The following ARID1B variants were observed in gnomAD, a reference collection of about 807,000 sequenced individuals.
ARID1B encodes the protein AT-rich interactive domain-containing protein 1B.
ARID1B carries 30 observed loss-of-function variants against 212.3 expected under a neutral mutation model. That is an observed-to-expected ratio of 0.14 (90% CI 0.11 to 0.19). ARID1B has a LOEUF of 0.19. Ranked by LOEUF, ARID1B falls within the 10% of genes least tolerant of loss-of-function variation. The pLI is 1.00. For synonymous variants in ARID1B, 1,402 were observed against 1,301.7 expected (o/e 1.08, Z -1.66); for missense variants, 2,891 against 3,204.0 (o/e 0.90, Z 2.36).
chr6:156,784,440 A>C (rs774789165), intron 1 of ARID1B, among the ~76,000 whole-genome samples: 1 of 152,194 alleles, frequency 6.6e-6, no homozygotes, highest in Non-Finnish European at 1.5e-5. Flanking sequence ...TAATTGGGTA[A>C]TTGAGTGAAT....
At chr6:156,894,313 T>TGGGGGCCGGGGGTG (rs1788215908) in intron 2 of ARID1B, among the ~76,000 whole-genome samples, 2 of 95,538 alleles carry the variant, frequency 2.1e-5, no homozygotes, top group Admixed American at 9.4e-5. Context: ...GGCCGGGGGT[T>TGGGGGCCGGGGGTG]GGGATGGGGA....
chr6:156,983,901 G>A (rs1250799027), intron 4 of ARID1B, among the ~76,000 whole-genome samples: 1 of 152,106 alleles, frequency 6.6e-6, no homozygotes, highest in Non-Finnish European at 1.5e-5. Context: ...CCGATTTCCT[G>A]CACCCCTCAG....
intron 4 of ARID1B, among the ~76,000 whole-genome samples, chr6:156,992,559 G>A (rs559296201): frequency 5.3e-5 from 8 of 152,180 alleles, no homozygotes; most frequent in South Asian, 4.1e-4. Flanking sequence ...AAGGCACCCC[G>A]GGAATGGAGG....
At chr6:157,171,483 T>C (rs1275787442) in intron 9 of ARID1B, among the ~76,000 whole-genome samples, 1 of 152,190 alleles carries the variant, frequency 6.6e-6, no homozygotes, top group Non-Finnish European at 1.5e-5. Context: ...GTTTCAGTGA[T>C]TCCTTGAGAA....
Position 156,800,670 on chromosome 6 carries a change from G to T in ARID1B, c.1791+21199G>T, listed in dbSNP as rs188429457. ...ACCTGTAATTCCAGCATTTTGGGAGGCTGAGGCGGGAGCATCACTTGAGCC... is the reference window on the plus strand; with the variant it reads ...ACCTGTAATTCCAGCATTTTGGGAGTCTGAGGCGGGAGCATCACTTGAGCC... On this transcript the variant is annotated intron_variant, in intron 1 of 19. Transcript: ENST00000636930. Among the ~76,000 whole-genome samples, 894 of 152,248 alleles carry T rather than the reference G, an allele frequency of 5.9e-3. 7 individuals are homozygous for T. Among genetic ancestry groups the T allele is most frequent in the African/African-American group, 0.02 (846 of 41,534 alleles).
rs568445709 is a variant in ARID1B, at chr6:157,003,679, C to T, written c.2247+68103C>T. Among the ~76,000 whole-genome samples the T allele has an allele frequency of 1.2e-4, 18 of 152,204 alleles. No homozygotes were observed. The South Asian group carries it at 1.9e-3, about 16-fold the overall frequency. On this transcript the variant is annotated intron_variant, in intron 4 of 19. Transcript: ENST00000636930. ...TAATGGCAGCTAAATTAAGTAACAT[C>T]GAGTCTTCTTATTTATTTATTTTTT...
At chr6:157,062,478 T>C (rs1424250764) in intron 4 of ARID1B, among the ~76,000 whole-genome samples, 1 of 152,014 alleles carries the variant, frequency 6.6e-6, no homozygotes, top group African/African-American at 2.4e-5. Flanking sequence ...GGATTACAAG[T>C]GTGAGCCACC....
chr6:156,825,014 G>A (rs945098675), intron 1 of ARID1B, among the ~76,000 whole-genome samples: 13 of 151,974 alleles, frequency 8.6e-5, no homozygotes, highest in South Asian at 4.2e-4. Context: ...ACAGGTGCCC[G>A]CCACCATGCC....
intron 1 of ARID1B, among the ~76,000 whole-genome samples, chr6:156,785,500 G>A (rs1779570004): frequency 6.6e-6 from 1 of 151,618 alleles, no homozygotes; most frequent in African/African-American, 2.4e-5. Flanking sequence ...TTTTGTAATG[G>A]GATGCTAAAA....
chr6:157,094,535 AG>A lies in ARID1B; in HGVS notation c.2491+9631del, dbSNP rs1156881513. Among the ~76,000 whole-genome samples, 2 of 151,976 alleles carry A rather than the reference AG, an allele frequency of 1.3e-5. No individual in the cohort carries two copies. Among genetic ancestry groups the A allele is most frequent in the Non-Finnish European group, 2.9e-5 (2 of 67,990 alleles). On this transcript the variant is annotated intron_variant, in intron 5 of 19. Coordinates refer to ENST00000636930, the MANE Select transcript of ARID1B (RefSeq NM_001374828.1). The surrounding 1 kb of genome is among the most constrained non-coding windows in gnomAD (Gnocchi z 4.3). ...ACGCTTGGCTAATTTTTATATTTTT[AG>A]TAGAGATGGGGTTTCGCCATGTTGG...
rs766787725 is a variant in ARID1B, at chr6:157,149,000, C to T, written c.3089+49C>T. On this transcript the variant is annotated intron_variant, in intron 8 of 19. Coordinates refer to ENST00000636930, the MANE Select transcript of ARID1B (RefSeq NM_001374828.1). This position sits in a 1 kb window ranked among gnomAD's most constrained non-coding sequence, Gnocchi z 5.6. ...CGGGCAGGTACGCTGTGTGTCTACC[C>T]GTGACCACGTGACTGCGCACATAGC... 6.9e-5 allele frequency: 105 copies of T among 1,531,380 alleles called. No homozygotes were observed. Among genetic ancestry groups the T allele is most frequent in the Admixed American group, 5.7e-5 (3 of 52,640 alleles). 94.9% of individuals were successfully genotyped at this position (1,531,380 alleles called of 1,614,324 possible).
chr6:157,163,265 A>G (rs1258869500), intron 8 of ARID1B, among the ~76,000 whole-genome samples: 1 of 151,860 alleles, frequency 6.6e-6, no homozygotes, highest in African/African-American at 2.4e-5. Context: ...CGGGCATTGT[A>G]TTTTCAGCCC....
At chr6:156,980,901 G>A (rs62422641) in intron 4 of ARID1B, among the ~76,000 whole-genome samples, 28,266 of 152,032 alleles carry the variant, frequency 0.19, 3,036 homozygotes, top group Non-Finnish European at 0.24. Flanking sequence ...TTTTAGGGAG[G>A]GTCACAGAAA....
chr6:157,190,239 A>G lies in ARID1B; in HGVS notation c.4231+29A>G, dbSNP rs747009586. On this transcript the variant is annotated intron_variant, in intron 15 of 19. Coordinates refer to ENST00000636930, the MANE Select transcript of ARID1B (RefSeq NM_001374828.1). The surrounding 1 kb of genome is among the most constrained non-coding windows in gnomAD (Gnocchi z 4.6). ...CGTGTAGAGGGGCCTCCACCCGGCC[A>G]TGGACCAGTGGGCATTCTACTCTCT... The G allele has an allele frequency of 1.1e-5, 18 of 1,587,720 alleles. No homozygotes were observed. Among genetic ancestry groups the G allele is most frequent in the Non-Finnish European group, 1.3e-5 (15 of 1,171,044 alleles).
At chr6:156,879,622 C>A (rs59242585) in intron 2 of ARID1B, among the ~76,000 whole-genome samples, 20 of 152,296 alleles carry the variant, frequency 1.3e-4, no homozygotes, top group African/African-American at 4.3e-4. Context: ...AAGAGGTATT[C>A]TTTTTCATAT....
chr6:157,020,975 C>T (rs1780199993), intron 4 of ARID1B, among the ~76,000 whole-genome samples: 1 of 152,228 alleles, frequency 6.6e-6, no homozygotes, highest in African/African-American at 2.4e-5. Context: ...ATGAGAAATT[C>T]GGGGACCCGG....
chr6:157,004,789 C>T (rs951523380), intron 4 of ARID1B, among the ~76,000 whole-genome samples: 2 of 151,614 alleles, frequency 1.3e-5, no homozygotes, highest in Non-Finnish European at 2.9e-5. Flanking sequence ...ATAATTATGT[C>T]ACTTTTCAGC....
chr6:156,820,427 A>T (rs1343373341), intron 1 of ARID1B, among the ~76,000 whole-genome samples: 4 of 152,204 alleles, frequency 2.6e-5, no homozygotes, highest in African/African-American at 9.7e-5. Context: ...ATAAGACAAA[A>T]TTTTCACCTT....
Position 157,201,547 on chromosome 6 carries a change from T to C in ARID1B, c.5263+59T>C. ...TTCCAGTTGCAGTGTAGAATTTTAA[T>C]TTTAGTAAAGATGCTGTTCCTGCTC... On this transcript the variant is annotated intron_variant, in intron 18 of 19. Coordinates refer to ENST00000636930, the MANE Select transcript of ARID1B (RefSeq NM_001374828.1). The surrounding 1 kb of genome is among the most constrained non-coding windows in gnomAD (Gnocchi z 5.2). 1 of 1,469,268 alleles carries C rather than the reference T, an allele frequency of 6.8e-7. No individual in the cohort carries two copies. Among genetic ancestry groups the C allele is most frequent in the Middle Eastern group, 1.8e-4 (1 of 5,492 alleles). The allele number at this position is 1,469,268 out of a possible 1,614,324, so 91.0% of individuals were successfully genotyped here.
Sources: allele counts gnomAD v4.1 joint callset (sites outside exome capture counted in the v4.1 genomes callset), GRCh38; gene constraint gnomAD v4.1.1; non-coding constraint Gnocchi (gnomAD v3.1); transcripts MANE v1.5; gene names NCBI Gene and HGNC (gene_info 2026-07-23, HGNC 2026-07-21).